Variants in NHSL1 observed in about 807,000 individuals in gnomAD.
NHSL1 encodes the protein NHS like 1, also known as NHS-like protein 1.
In NHSL1, 48 loss-of-function variants were observed where a neutral mutation model predicts 95.0. That is an observed-to-expected ratio of 0.51 (90% CI 0.40 to 0.64). NHSL1 has a LOEUF of 0.64. NHSL1 is among the 30% of genes least tolerant of loss of function. The pLI, the probability that NHSL1 is intolerant of heterozygous loss-of-function variation, is 0.00. For missense variants in NHSL1, 1,971 were observed against 2,077.7 expected (o/e 0.95, Z 1.00); for synonymous variants, 783 against 833.9 (o/e 0.94, Z 1.05).
intron 1 of NHSL1, among the ~76,000 whole-genome samples, chr6:138,557,903 C>T (rs1249444684): frequency 6.6e-6 from 1 of 152,168 alleles, no homozygotes; most frequent in Admixed American, 6.5e-5. Flanking sequence ...CAAACCATGA[C>T]CTGTAAACAG....
chr6:138,555,506 A>G (rs1418721572), intron 1 of NHSL1, among the ~76,000 whole-genome samples: 1 of 152,198 alleles, frequency 6.6e-6, no homozygotes, highest in Non-Finnish European at 1.5e-5. Flanking sequence ...TTCAGTTCCT[A>G]ACAAAGAAAG....
At chr6:138,437,217 T>C (rs1356878204) in intron 5 of NHSL1, among the ~76,000 whole-genome samples, 3 of 148,454 alleles carry the variant, frequency 2.0e-5, no homozygotes, top group African/African-American at 5.0e-5. Context: ...GAGGTTGCAG[T>C]GAGCTGAGAT....
At chr6:138,471,735 G>C (rs931231770) in intron 3 of NHSL1, among the ~76,000 whole-genome samples, 2 of 151,944 alleles carry the variant, frequency 1.3e-5, no homozygotes, top group African/African-American at 4.8e-5. Context: ...AAATAACTAA[G>C]AGTGTAAATT....
chr6:138,625,666 G>C (rs1352544439), intron 1 of NHSL1, among the ~76,000 whole-genome samples: 1 of 148,072 alleles, frequency 6.8e-6, no homozygotes, highest in African/African-American at 2.5e-5. Context: ...AAAAATTAGA[G>C]ACAAAGTCTT....
intron 1 of NHSL1, among the ~76,000 whole-genome samples, chr6:138,522,579 T>G (rs1781728111): frequency 6.6e-6 from 1 of 152,140 alleles, no homozygotes; most frequent in African/African-American, 2.4e-5. Context: ...AGGCGGAGGT[T>G]GCAGTGAGCC....
At chr6:138,457,502 C>T (rs1189242233) in intron 3 of NHSL1, among the ~76,000 whole-genome samples, 1 of 152,162 alleles carries the variant, frequency 6.6e-6, no homozygotes. Context: ...ATGTCCTTAA[C>T]CTTTGCCATA....
chr6:138,430,394 T>C lies in NHSL1; in HGVS notation c.3951A>G (p.Ala1317=), dbSNP rs1015106673. 11 of 1,463,274 alleles carry C rather than the reference T, an allele frequency of 7.5e-6. No individual in the cohort carries two copies. Among genetic ancestry groups the C allele is most frequent in the Non-Finnish European group, 1.0e-5 (11 of 1,102,684 alleles). The allele number at this position is 1,463,274 out of a possible 1,614,324, so 90.6% of individuals were successfully genotyped here. Residue 1317 remains alanine (A), a splice_region_variant and synonymous_variant, in exon 6 of 8, where the codon GCA becomes GCG. Coordinates refer to ENST00000343505, the MANE Select transcript of NHSL1 (RefSeq NM_001144060.2). The surrounding 1 kb of genome is among the most constrained non-coding windows in gnomAD (Gnocchi z 4.7). ...GESCLSQQDG[A]AGVPETNAAG... ...GAGAAGCCAGGAAGCCAGACTCACC[T>C]GCTCCGTCCTGTTGAGATAGGCAGC... is the stretch of plus-strand genomic sequence containing the variant.
intron 1 of NHSL1, among the ~76,000 whole-genome samples, chr6:138,658,299 T>C (rs1275166788): frequency 1.3e-5 from 2 of 152,234 alleles, no homozygotes; most frequent in African/African-American, 4.8e-5. Flanking sequence ...CCAGAATGTA[T>C]TCCTCCTGCA....
chr6:138,630,830 AG>A (rs1444516817), intron 1 of NHSL1, among the ~76,000 whole-genome samples: 1 of 152,228 alleles, frequency 6.6e-6, no homozygotes, highest in Non-Finnish European at 1.5e-5. Context: ...GTGGAATAGA[AG>A]GCTCCACCCA....
chr6:138,591,952 C>A (rs1347095193), intron 1 of NHSL1, among the ~76,000 whole-genome samples: 1 of 152,050 alleles, frequency 6.6e-6, no homozygotes, highest in Non-Finnish European at 1.5e-5. Context: ...TTTCAGGCAT[C>A]CACCGAGGGT....
intron 5 of NHSL1, among the ~76,000 whole-genome samples, chr6:138,439,179 TG>T (rs1050920903): frequency 6.6e-6 from 1 of 152,234 alleles, no homozygotes; most frequent in African/African-American, 2.4e-5. Flanking sequence ...TTCTAATTCA[TG>T]GAAGTACCTC....
At chr6:138,579,801 G>A (rs1412507386) in intron 1 of NHSL1, among the ~76,000 whole-genome samples, 2 of 152,166 alleles carry the variant, frequency 1.3e-5, no homozygotes, top group Non-Finnish European at 2.9e-5. Flanking sequence ...TCGACCTTAC[G>A]TGACCTTTTA....
chr6:138,688,190 G>C (rs542216680), intron 1 of NHSL1, among the ~76,000 whole-genome samples: 1 of 152,224 alleles, frequency 6.6e-6, no homozygotes, highest in South Asian at 2.1e-4. Flanking sequence ...GGCCTCAAGT[G>C]ATCGGCCCAC....
At chr6:138,438,570 G>A (rs1265967602) in intron 5 of NHSL1, among the ~76,000 whole-genome samples, 4 of 152,166 alleles carry the variant, frequency 2.6e-5, no homozygotes, top group Non-Finnish European at 5.9e-5. Flanking sequence ...ACAAACAAGT[G>A]TAGACCACTT....
At position 138,433,617 on chromosome 6, in the gene NHSL1, G is replaced by A; in HGVS notation, c.728C>T (p.Thr243Ile). The change falls in exon 6 of 8, where the codon ACA becomes ATA. Residue 243 changes from threonine to isoleucine, a missense_variant. By Grantham distance (89) the Thr-to-Ile change is moderately conservative (BLOSUM62 -1). Around this residue, in one of 3 missense-constraint regions of NHSL1, gnomAD observed 1,602 missense variants for 1,654.5 expected, o/e 0.97. Transcript: ENST00000343505. ...HSVYTPDHYSTLGRFNSCRSA... is the reference protein window; with the variant it reads ...HSVYTPDHYSILGRFNSCRSA... ...CCGACAGCTATTGAACCTTCCTAGT[G>A]TAGAGTAGTGATCAGGGGTGTACAC... 6 of 1,552,150 alleles carry A rather than the reference G, an allele frequency of 3.9e-6. No individual in the cohort carries two copies. The highest frequency in any genetic ancestry group is 2.0e-5 in the Admixed American group (1 of 51,004).
At chr6:138,643,595 A>C (rs1474500139) in intron 1 of NHSL1, among the ~76,000 whole-genome samples, 2 of 152,228 alleles carry the variant, frequency 1.3e-5, no homozygotes, top group African/African-American at 4.8e-5. Flanking sequence ...ACATACCTGA[A>C]TTAGCACTTA....
chr6:138,424,869 G>C lies in NHSL1; in HGVS notation c.4086-53C>G. ...GTTAATTCCCACGGGACCACAGGCTGTCAGCCACAACCACTCTGCTCTTAT... is the reference window on the plus strand; with the variant it reads ...GTTAATTCCCACGGGACCACAGGCTCTCAGCCACAACCACTCTGCTCTTAT... On this transcript the variant is annotated intron_variant, in intron 7 of 7. Coordinates refer to ENST00000343505, the MANE Select transcript of NHSL1 (RefSeq NM_001144060.2). The surrounding 1 kb of genome is among the most constrained non-coding windows in gnomAD (Gnocchi z 5.9). 7.0e-7 allele frequency: 1 copy of C among 1,432,826 alleles called. No individual in the cohort carries two copies. The highest frequency in any genetic ancestry group is 2.5e-5 in the East Asian group (1 of 40,124). The allele number at this position is 1,432,826 out of a possible 1,614,324, so 88.8% of individuals were successfully genotyped here.
At chr6:138,425,465 G>T (rs900897227) in intron 7 of NHSL1, among the ~76,000 whole-genome samples, 5 of 152,136 alleles carry the variant, frequency 3.3e-5, no homozygotes. Context: ...CTGCAAGACC[G>T]CATGAGCCCA....
intron 1 of NHSL1, among the ~76,000 whole-genome samples, chr6:138,647,790 G>C (rs535316142): frequency 6.6e-6 from 1 of 151,988 alleles, no homozygotes; most frequent in Non-Finnish European, 1.5e-5. Context: ...TAGAGACAGG[G>C]TTTCACCATG....
Sources: gnomAD v4.1 joint callset for allele counts (sites outside exome capture counted in the v4.1 genomes callset) on GRCh38, gnomAD v4.1.1 for gene constraint, gnomAD v4.1.1 regional missense constraint, Gnocchi (gnomAD v3.1) non-coding constraint, MANE v1.5 for transcripts, NCBI Gene and HGNC (gene_info 2026-07-23, HGNC 2026-07-21) for gene names.